SH3PXD2A: variants seen among roughly 807,000 people sequenced by gnomAD.
SH3PXD2A encodes SH3 and PX domains 2A.
SH3PXD2A carries 32 observed loss-of-function variants against 115.2 expected under a neutral mutation model. The ratio of observed to expected loss-of-function variants is 0.28; its 90% CI spans 0.21 to 0.37. The LOEUF is 0.37. SH3PXD2A is among the 10% of genes least tolerant of loss of function. The pLI, the probability that SH3PXD2A is intolerant of heterozygous loss-of-function variation, is 1.00. For missense variants in SH3PXD2A, 1,328 were observed against 1,498.7 expected (o/e 0.89, Z 1.88); for synonymous variants, 610 against 629.1 (o/e 0.97, Z 0.45).
intron 1 of SH3PXD2A, among the ~76,000 whole-genome samples, chr10:103,810,883 G>A (rs1241883380): frequency 4.2e-5 from 4 of 94,218 alleles, no homozygotes; most frequent in Non-Finnish European, 1.0e-4. Flanking sequence ...GACATACACA[G>A]GGACACATAC....
intron 6 of SH3PXD2A, among the ~76,000 whole-genome samples, chr10:103,677,108 G>A (rs765183045): frequency 1.3e-5 from 2 of 152,178 alleles, no homozygotes; most frequent in Non-Finnish European, 2.9e-5. Context: ...CAATAGCAAC[G>A]GACTCAGGAC....
Position 103,724,313 on chromosome 10 carries a change from G to C in SH3PXD2A, c.355C>G (p.Arg119Gly). ...PHISQCDEVF[R>G]FFEARPEDVN... ...TCCTCGGGTCGAGCCTCGAAGAACC[G>C]GAAGACTTCGTCACACTGTGAGATG... Residue 119 changes from arginine (R) to glycine (G), a missense_variant, in exon 5 of 15, where the codon CGG becomes GGG. Physicochemically the swap from Arg to Gly is moderately radical, Grantham distance 125. Transcript: ENST00000369774. 6.3e-7 allele frequency: 1 copy of C among 1,582,314 alleles called. No homozygotes were observed. The highest frequency in any genetic ancestry group is 8.6e-7 in the Non-Finnish European group (1 of 1,166,942).
intron 3 of SH3PXD2A, among the ~76,000 whole-genome samples, chr10:103,763,911 C>T (rs930392334): frequency 5.3e-5 from 8 of 152,224 alleles, no homozygotes; most frequent in African/African-American, 1.9e-4. Context: ...TGGGATCAGG[C>T]AGAGGCTAGA....
intron 8 of SH3PXD2A, among the ~76,000 whole-genome samples, chr10:103,638,766 G>A (rs1242466719): frequency 6.6e-6 from 1 of 152,240 alleles, no homozygotes; most frequent in African/African-American, 2.4e-5. Context: ...AGCACAAGTC[G>A]CAAAGCGCTG....
At chr10:103,734,150 T>C (rs917558576) in intron 4 of SH3PXD2A, among the ~76,000 whole-genome samples, 5 of 152,180 alleles carry the variant, frequency 3.3e-5, no homozygotes, top group African/African-American at 1.2e-4. Context: ...AGCTAGTAAG[T>C]GGGCACCGGG....
intron 3 of SH3PXD2A, among the ~76,000 whole-genome samples, chr10:103,766,384 C>G (rs1264737205): frequency 3.9e-5 from 6 of 152,198 alleles, no homozygotes; most frequent in Non-Finnish European, 5.9e-5. Context: ...AGACATGGAC[C>G]AGGAGGCCCG....
chr10:103,693,637 A>C (rs2037788595), intron 5 of SH3PXD2A: 2 of 152,280 alleles, frequency 1.3e-5, no homozygotes, highest in Admixed American at 6.5e-5. Context: ...TCCTTTGATT[A>C]AAGTCTGCCC....
chr10:103,823,846 G>C (rs987783657), intron 1 of SH3PXD2A, among the ~76,000 whole-genome samples: 2 of 152,312 alleles, frequency 1.3e-5, no homozygotes, highest in Middle Eastern at 6.8e-3. Context: ...AGGGAAAGAA[G>C]GGCAGCGGGC....
In SH3PXD2A at chr10:103,799,614, G is replaced by A. The variant is rs534332755; in HGVS notation, c.153+1668C>T. On this transcript the variant is annotated intron_variant, in intron 2 of 14. Transcript: ENST00000369774. ...CTGAGATTCTGCAATGCAGGAGTGGGTGGGGGACCATAAGGGAAGAGGGGG... is the reference window on the plus strand; with the variant it reads ...CTGAGATTCTGCAATGCAGGAGTGGATGGGGGACCATAAGGGAAGAGGGGG... 9.8e-5 allele frequency among the ~76,000 whole-genome samples: 15 copies of A among 152,364 alleles called. No homozygotes were observed. In the South Asian group the frequency reaches 3.1e-3, roughly 32 times the overall value.
At position 103,596,905 on chromosome 10, in the gene SH3PXD2A, C is replaced by T. The variant is rs1440909855; in HGVS notation, c.*4911G>A. The stretch of plus-strand genomic sequence containing the variant: ...ATAGGGGGTTGAAGTAGCAAGCATA[C>T]AGTACTGGAGGTGGAGGGAACAAGC... On this transcript the variant is annotated 3_prime_UTR_variant, in exon 15 of 15. Transcript: ENST00000369774. 1.3e-5 allele frequency: 2 copies of T among 152,542 alleles called. No homozygotes were observed. Among genetic ancestry groups the T allele is most frequent in the African/African-American group, 2.4e-5 (1 of 41,394 alleles). The allele number at this position is 152,542 out of a possible 1,614,324, so 9.4% of individuals were successfully genotyped here.
chr10:103,651,923 CT>C (rs1213927173), intron 8 of SH3PXD2A, among the ~76,000 whole-genome samples: 17 of 152,234 alleles, frequency 1.1e-4, no homozygotes, highest in Admixed American at 1.1e-3. Context: ...ACCTGTGGCA[CT>C]GCCAACGGGC....
chr10:103,603,502 G>A lies in SH3PXD2A; in HGVS notation c.1716C>T (p.Ser572=), dbSNP rs746869156. ...AGGCTCTGTCCTCCACGGGCTCCTC[G>A]CTCAGCTCAGGCTCTGAGTCAAAGC... ...AFGFDSEPEL[S]EEPVEDRASG... Residue 572 remains serine, a synonymous_variant, in exon 15 of 15, where the codon AGC becomes AGT. Coordinates refer to ENST00000369774, the MANE Select transcript of SH3PXD2A (RefSeq NM_001394015.1). 15 of 1,611,572 alleles carry A rather than the reference G, an allele frequency of 9.3e-6. No individual in the cohort carries two copies. Among genetic ancestry groups the A allele is most frequent in the East Asian group, 4.5e-5 (2 of 44,872 alleles).
intron 2 of SH3PXD2A, among the ~76,000 whole-genome samples, chr10:103,798,989 G>T (rs764031187): frequency 6.6e-6 from 1 of 152,214 alleles, no homozygotes; most frequent in Non-Finnish European, 1.5e-5. Flanking sequence ...TGGGAGAAAC[G>T]TGGATTCACT....
chr10:103,797,745 G>A (rs1482891516), intron 2 of SH3PXD2A, among the ~76,000 whole-genome samples: 3 of 148,562 alleles, frequency 2.0e-5, no homozygotes, highest in Non-Finnish European at 4.5e-5. Context: ...GGGTGAGGGG[G>A]TGGGGAAGGG....
At chr10:103,808,031 A>G (rs1365936480) in intron 1 of SH3PXD2A, among the ~76,000 whole-genome samples, 1 of 152,004 alleles carries the variant, frequency 6.6e-6, no homozygotes, top group Non-Finnish European at 1.5e-5. Flanking sequence ...ACAAGGTTCT[A>G]TCATGGGGGG....
At chr10:103,643,507 CA>C (rs1235512078) in intron 8 of SH3PXD2A, among the ~76,000 whole-genome samples, 1 of 152,194 alleles carries the variant, frequency 6.6e-6, no homozygotes, top group African/African-American at 2.4e-5. Context: ...AAAACACATA[CA>C]ATGAAACAAT....
In SH3PXD2A at chr10:103,661,114, C is replaced by G. The variant is rs772220322; in HGVS notation, c.473G>C (p.Gly158Ala). The change falls in exon 8 of 15, where the codon GGT becomes GCT. Residue 158 changes from glycine (G) to alanine (A), a missense_variant and splice_region_variant. Physicochemically the swap from Gly to Ala is moderately conservative, Grantham distance 60. Around this residue, in one of 5 missense-constraint regions of SH3PXD2A, gnomAD observed 90 missense variants for 71.1 expected, o/e 1.27. Transcript: ENST00000369774. ...CATGGGCTCGGCGGTGGCGTCGGCA[C>G]CTGGCGAGGGCAGAAAGCACGCGGT... is the stretch of plus-strand genomic sequence containing the variant. ...WAESPKKDVT[G>A]ADATAEPMIL... 6.2e-7 allele frequency: 1 copy of G among 1,612,708 alleles called. No individual in the cohort carries two copies. Among genetic ancestry groups the G allele is most frequent in the Non-Finnish European group, 8.5e-7 (1 of 1,179,388 alleles).
intron 1 of SH3PXD2A, among the ~76,000 whole-genome samples, chr10:103,831,488 A>T (rs906232532): frequency 3.9e-5 from 6 of 152,062 alleles, no homozygotes; most frequent in Admixed American, 6.5e-5. Context: ...CATTTTTTTT[A>T]AATTGAGGCA....
In SH3PXD2A at chr10:103,680,230, C is replaced by T. The variant is rs191929388; in HGVS notation, c.428-11578G>A. Among the ~76,000 whole-genome samples, 760 of 152,092 alleles carry T rather than the reference C, an allele frequency of 5.0e-3. 2 individuals are homozygous for T. Among genetic ancestry groups the T allele is most frequent in the Non-Finnish European group, 7.9e-3 (538 of 68,000 alleles). Reference sequence around the variant, plus strand: ...CTGACCTCAAGTAATCCGCCCAACTCGGCCTCCCAAAGTGCTGGGATTACA... The same window carrying T: ...CTGACCTCAAGTAATCCGCCCAACTTGGCCTCCCAAAGTGCTGGGATTACA... On this transcript the variant is annotated intron_variant, in intron 6 of 14. Transcript: ENST00000369774.
Sources: gnomAD v4.1 joint callset for allele counts (sites outside exome capture counted in the v4.1 genomes callset) on GRCh38, gnomAD v4.1.1 for gene constraint, gnomAD v4.1.1 regional missense constraint, MANE v1.5 for transcripts, NCBI Gene and HGNC (gene_info 2026-07-23, HGNC 2026-07-21) for gene names.